HSPA12A: variants seen among roughly 807,000 people sequenced by gnomAD.
HSPA12A encodes the protein heat shock 70 kDa protein 12A.
In HSPA12A, 28 loss-of-function variants were observed where a neutral mutation model predicts 69.2. The observed-to-expected ratio is 0.40, with a 90% CI of 0.30 to 0.55. The LOEUF is 0.55. Among genes scored for constraint, HSPA12A ranks in the 20% least tolerant of loss-of-function variants. The pLI is 0.38. For synonymous variants in HSPA12A, 345 were observed against 370.5 expected, an observed-to-expected ratio of 0.93 and a Z score of 0.79; for missense variants, 686 against 900.7, an observed-to-expected ratio of 0.76 and a Z score of 3.05.
At chr10:116,787,463 AC>A (rs57434258) in intron 2 of HSPA12A, among the ~76,000 whole-genome samples, 27,506 of 130,226 alleles carry the variant, frequency 0.21, 3,002 homozygotes, top group Non-Finnish European at 0.3. Context: ...AAAAAAAAAA[AC>A]CACAGGCGCC....
In HSPA12A at chr10:116,710,861, A is replaced by T. The variant is rs75403742; in HGVS notation, c.41-3576T>A. ...AGACATGCTACTGTTTCTCTACTTC[A>T]CTACTTAGGATGTCAAAATGATGCT... On this transcript the variant is annotated intron_variant, in intron 1 of 11. Coordinates refer to ENST00000369209, the MANE Select transcript of HSPA12A (RefSeq NM_025015.3). The surrounding 1 kb of genome is among the most constrained non-coding windows in gnomAD (Gnocchi z 4.1). 6.8e-4 allele frequency among the ~76,000 whole-genome samples: 103 copies of T among 152,292 alleles called. 1 individual carries two copies. The East Asian group carries it at 0.014, about 20-fold the overall frequency.
chr10:116,752,632 T>C (rs1851799039), intron 2 of HSPA12A, among the ~76,000 whole-genome samples: 1 of 152,192 alleles, frequency 6.6e-6, no homozygotes, highest in African/African-American at 2.4e-5. Context: ...TATCTTCTGC[T>C]TCAGGGAGCA....
intron 2 of HSPA12A, among the ~76,000 whole-genome samples, chr10:116,803,819 G>C (rs539474392): frequency 6.6e-6 from 1 of 152,074 alleles, no homozygotes; most frequent in Non-Finnish European, 1.5e-5. Flanking sequence ...GCGTGACCAC[G>C]GTTCATTCAT....
intron 1 of HSPA12A, chr10:116,835,137 G>A (rs1845686897): frequency 9.8e-6 from 5 of 511,874 alleles, no homozygotes. Context: ...CCCGGCAGGA[G>A]GGAAGCAAAG....
chr10:116,737,290 C>A (rs557476056), intron 1 of HSPA12A, among the ~76,000 whole-genome samples: 1 of 152,286 alleles, frequency 6.6e-6, no homozygotes, highest in Admixed American at 6.5e-5. Flanking sequence ...CCTCTGTGTA[C>A]CAGGCTCATA....
At chr10:116,689,401 A>G (rs1849670977) in intron 6 of HSPA12A, among the ~76,000 whole-genome samples, 1 of 152,034 alleles carries the variant, frequency 6.6e-6, no homozygotes, top group East Asian at 1.9e-4. Context: ...AGTTGGGCCC[A>G]TGGGATGGGA....
rs12250249 is a variant in HSPA12A, at chr10:116,763,208, A to G, written c.92-55923T>C. On this transcript the variant is annotated intron_variant, in intron 2 of 12. Coordinates refer to the HSPA12A transcript ENST00000635765. ...AGGAGGCAGCCCAACTTAGTATTCAACTTGAACTCAGGCATGGTGGAAACT... is the reference window on the plus strand; with the variant it reads ...AGGAGGCAGCCCAACTTAGTATTCAGCTTGAACTCAGGCATGGTGGAAACT... 5.0e-3 allele frequency among the ~76,000 whole-genome samples: 761 copies of G among 152,246 alleles called. 3 individuals carry two copies. The highest frequency in any genetic ancestry group is 0.017 in the African/African-American group (726 of 41,544).
At chr10:116,764,438 C>A (rs1413665199) in intron 2 of HSPA12A, among the ~76,000 whole-genome samples, 2 of 152,120 alleles carry the variant, frequency 1.3e-5, no homozygotes, top group East Asian at 3.8e-4. Flanking sequence ...AGACATGGAG[C>A]AATTTCTAGG....
At chr10:116,767,437 C>T (rs1564812674) in intron 2 of HSPA12A, among the ~76,000 whole-genome samples, 2 of 152,216 alleles carry the variant, frequency 1.3e-5, no homozygotes, top group Admixed American at 1.3e-4. Flanking sequence ...GGGTCATCCA[C>T]CCCAGCTGCT....
chr10:116,835,002 G>A (rs1845683113), exon 2 of HSPA12A: 15 of 1,231,108 alleles, frequency 1.2e-5, no homozygotes, highest in Middle Eastern at 3.1e-4. Context: ...CACAGAATCC[G>A]TACACGCCAA....
intron 2 of HSPA12A, among the ~76,000 whole-genome samples, chr10:116,795,442 G>T (rs1313216284): frequency 6.6e-6 from 1 of 151,856 alleles, no homozygotes; most frequent in East Asian, 1.9e-4. Flanking sequence ...TCTTTGGGAG[G>T]CCAAGGTGGG....
At chr10:116,794,097 CG>C (rs1844762418) in intron 2 of HSPA12A, among the ~76,000 whole-genome samples, 1 of 151,884 alleles carries the variant, frequency 6.6e-6, no homozygotes, top group South Asian at 2.1e-4. Context: ...CAGCTATACT[CG>C]GGTGGCTGAG....
chr10:116,848,510 C>A (rs1347127629), intron 1 of HSPA12A, among the ~76,000 whole-genome samples: 3 of 152,154 alleles, frequency 2.0e-5, no homozygotes, highest in Non-Finnish European at 4.4e-5. Flanking sequence ...GAAAGTGTGG[C>A]ACAGATCTTG....
At chr10:116,834,085 G>C (rs777303642) in intron 2 of HSPA12A, among the ~76,000 whole-genome samples, 1 of 152,154 alleles carries the variant, frequency 6.6e-6, no homozygotes, top group Non-Finnish European at 1.5e-5. Flanking sequence ...TCATAGAAGC[G>C]CTCAGATCTC....
At chr10:116,815,786 C>T (rs1339908106) in intron 2 of HSPA12A, among the ~76,000 whole-genome samples, 2 of 152,136 alleles carry the variant, frequency 1.3e-5, no homozygotes, top group South Asian at 2.1e-4. Context: ...GCCTGCTGCT[C>T]GGCATGTGCT....
At position 116,672,379 on chromosome 10, in the gene HSPA12A, T is replaced by G. The variant is rs1214533465; in HGVS notation, c.*2402A>C. On this transcript the variant is annotated 3_prime_UTR_variant, in exon 12 of 12. Coordinates refer to ENST00000369209, the MANE Select transcript of HSPA12A (RefSeq NM_025015.3). ...GCTCTTAAAGTCTGCACAGAAGAAC[T>G]GATAGAATCTGCTCCTTTCAATGGA... 1 of 152,248 alleles carries G rather than the reference T, an allele frequency of 6.6e-6. No individual in the cohort carries two copies. The highest frequency in any genetic ancestry group is 1.5e-5 in the Non-Finnish European group (1 of 68,058). 9.4% of individuals were successfully genotyped at this position (152,248 alleles called of 1,614,324 possible). A position where few individuals can be genotyped will look rare whatever the true frequency, so the allele number is the denominator to read the frequency against.
chr10:116,780,029 G>T (rs79444472), intron 2 of HSPA12A, among the ~76,000 whole-genome samples: 1 of 152,132 alleles, frequency 6.6e-6, no homozygotes, highest in African/African-American at 2.4e-5. Context: ...CACTAATTCC[G>T]CCAGAGCAAG....
At chr10:116,716,934 T>C (rs1554883835) in intron 1 of HSPA12A, among the ~76,000 whole-genome samples, 1 of 152,196 alleles carries the variant, frequency 6.6e-6, no homozygotes, top group African/African-American at 2.4e-5. Context: ...CATGCGTTTT[T>C]TTGTTTACTT....
chr10:116,768,441 C>T (rs1288257039), intron 2 of HSPA12A, among the ~76,000 whole-genome samples: 2 of 152,178 alleles, frequency 1.3e-5, no homozygotes, highest in African/African-American at 4.8e-5. Flanking sequence ...GCTTGCACAA[C>T]ACAGTGAATA....
Sources: allele counts gnomAD v4.1 joint callset (sites outside exome capture counted in the v4.1 genomes callset), GRCh38; gene constraint gnomAD v4.1.1; non-coding constraint Gnocchi (gnomAD v3.1); transcripts MANE v1.5; gene names NCBI Gene and HGNC (gene_info 2026-07-23, HGNC 2026-07-21).